The following DLG2 variants were observed in gnomAD, a reference collection of about 807,000 sequenced individuals.
DLG2 encodes the protein discs large MAGUK scaffold protein 2, also known as disks large homolog 2.
Under a neutral mutation model 132.5 loss-of-function variants are expected in DLG2, and 45 were observed. That is an observed-to-expected ratio of 0.34 (90% CI 0.27 to 0.44). The LOEUF is 0.44. Ranked by LOEUF, DLG2 falls within the 20% of genes least tolerant of loss-of-function variation. The probability of loss-of-function intolerance (pLI) is 1.00; values close to 1 mark genes in which losing one functional copy is unlikely to be tolerated. For synonymous variants in DLG2, 424 were observed against 419.6 expected, an observed-to-expected ratio of 1.01 and a Z score of -0.13; for missense variants, 1,045 against 1,196.9, an observed-to-expected ratio of 0.87 and a Z score of 1.87.
chr11:84,922,850 C>T (rs2092820878), intron 6 of DLG2, among the ~76,000 whole-genome samples: 1 of 145,048 alleles, frequency 6.9e-6, no homozygotes, highest in African/African-American at 2.5e-5. Flanking sequence ...TGAGCGTGAA[C>T]CTGAATTACA....
chr11:83,506,013 G>C (rs1042772026), intron 21 of DLG2, among the ~76,000 whole-genome samples: 9 of 152,136 alleles, frequency 5.9e-5, no homozygotes, highest in African/African-American at 2.2e-4. Flanking sequence ...ACCTACTTGA[G>C]ACCAATCATG....
chr11:83,712,603 C>G (rs1256436280), intron 18 of DLG2, among the ~76,000 whole-genome samples: 1 of 152,064 alleles, frequency 6.6e-6, no homozygotes, highest in Non-Finnish European at 1.5e-5. Context: ...TCACTCCAGC[C>G]TGGGCAAGAG....
chr11:83,803,169 A>G (rs763765380), intron 17 of DLG2, among the ~76,000 whole-genome samples: 8 of 152,158 alleles, frequency 5.3e-5, no homozygotes, highest in African/African-American at 1.2e-4. Context: ...ATACATATTT[A>G]CTGAATGCCT....
chr11:85,339,401 TA>T (rs1352075237), intron 3 of DLG2, among the ~76,000 whole-genome samples: 1 of 152,214 alleles, frequency 6.6e-6, no homozygotes, highest in Admixed American at 6.5e-5. Context: ...GGCTGAAAGG[TA>T]AATGCACCTG....
At chr11:85,620,583 C>A (rs192836675) in intron 2 of DLG2, among the ~76,000 whole-genome samples, 1 of 152,274 alleles carries the variant, frequency 6.6e-6, no homozygotes, top group Admixed American at 6.5e-5. Context: ...AGTGAACACA[C>A]GAATAATAAG....
At chr11:85,507,535 G>C (rs1387794434) in intron 3 of DLG2, among the ~76,000 whole-genome samples, 13 of 152,154 alleles carry the variant, frequency 8.5e-5, no homozygotes, top group Admixed American at 8.5e-4. Flanking sequence ...GTTGAATATT[G>C]GACCACACTT....
At chr11:83,565,669 ACT>A (rs565816411) in intron 19 of DLG2, among the ~76,000 whole-genome samples, 6 of 152,188 alleles carry the variant, frequency 3.9e-5, no homozygotes, top group African/African-American at 7.2e-5. Flanking sequence ...ATTTCAATGC[ACT>A]GTCAATCTAC....
At chr11:83,776,739 G>A (rs909748404) in intron 18 of DLG2, among the ~76,000 whole-genome samples, 26 of 152,122 alleles carry the variant, frequency 1.7e-4, no homozygotes, top group Non-Finnish European at 3.8e-4. Context: ...ATACACTTCA[G>A]ATATCTTTCC....
intron 21 of DLG2, among the ~76,000 whole-genome samples, chr11:83,490,223 CAAAT>C (rs1268867109): frequency 4.2e-5 from 6 of 144,364 alleles, no homozygotes; most frequent in Non-Finnish European, 9.2e-5. Context: ...AAACACAAAA[CAAAT>C]AAACAAAACC....
chr11:83,897,255 G>A (rs2072023150), intron 15 of DLG2, among the ~76,000 whole-genome samples: 1 of 152,070 alleles, frequency 6.6e-6, no homozygotes, highest in African/African-American at 2.4e-5. Context: ...ACTCCTATTT[G>A]GGCCATAGCT....
At chr11:84,341,205 T>C (rs1363884425) in intron 7 of DLG2, among the ~76,000 whole-genome samples, 1 of 152,112 alleles carries the variant, frequency 6.6e-6, no homozygotes, top group Non-Finnish European at 1.5e-5. Flanking sequence ...ATTCTTGAAG[T>C]GTTGTTCTCT....
chr11:85,515,285 T>A (rs2094149718), intron 3 of DLG2, among the ~76,000 whole-genome samples: 1 of 151,924 alleles, frequency 6.6e-6, no homozygotes, highest in South Asian at 2.1e-4. Flanking sequence ...GAATATGAGT[T>A]CTCTAACGGG....
rs866199743 is a variant in DLG2, at chr11:85,620,890, A to T, written c.-93+5697T>A. On this transcript the variant is annotated intron_variant, in intron 2 of 27. Transcript: ENST00000376104. ...CAAGAAGATCTAGCTGAGATAATTG[A>T]TGAAAATGGCTAAACAACAGATTTT... is the stretch of plus-strand genomic sequence containing the variant. Among the ~76,000 whole-genome samples the T allele has an allele frequency of 2.6e-5, 4 of 152,284 alleles. No individual in the cohort carries two copies. In the South Asian group the frequency reaches 8.3e-4, roughly 31 times the overall value.
intron 15 of DLG2, among the ~76,000 whole-genome samples, chr11:83,895,012 G>T (rs2071181224): frequency 6.6e-6 from 1 of 151,904 alleles, no homozygotes; most frequent in South Asian, 2.1e-4. Context: ...AAATTGATTT[G>T]CATTTTTAAA....
intron 5 of DLG2, among the ~76,000 whole-genome samples, chr11:85,123,939 T>C (rs995056159): frequency 2.6e-5 from 4 of 152,176 alleles, no homozygotes; most frequent in Non-Finnish European, 4.4e-5. Flanking sequence ...ACCTGCAAAG[T>C]ATTATTCACT....
intron 6 of DLG2, among the ~76,000 whole-genome samples, chr11:84,849,771 G>A (rs750283171): frequency 6.6e-6 from 1 of 151,994 alleles, no homozygotes; most frequent in Non-Finnish European, 1.5e-5. Context: ...TGTGTACTTT[G>A]GTGCTGTTTC....
chr11:84,972,119 A>G (rs1046313010), intron 6 of DLG2, among the ~76,000 whole-genome samples: 1 of 152,060 alleles, frequency 6.6e-6, no homozygotes, highest in African/African-American at 2.4e-5. Context: ...AATTCTTATC[A>G]CCCTCTAATC....
chr11:83,647,865 G>C (rs1402030093), intron 18 of DLG2: 1 of 152,030 alleles, frequency 6.6e-6, no homozygotes, highest in African/African-American at 2.4e-5. Flanking sequence ...CTGCCTTCTT[G>C]CCATCAGTCT....
At chr11:85,488,946 G>C (rs1014368008) in intron 3 of DLG2, among the ~76,000 whole-genome samples, 3 of 151,496 alleles carry the variant, frequency 2.0e-5, no homozygotes, top group African/African-American at 7.3e-5. Flanking sequence ...ACACCAAAGA[G>C]GAAGAAAAAA....
Sources: gnomAD v4.1 joint callset for allele counts (sites outside exome capture counted in the v4.1 genomes callset) on GRCh38, gnomAD v4.1.1 for gene constraint, MANE v1.5 for transcripts, NCBI Gene and HGNC (gene_info 2026-07-23, HGNC 2026-07-21) for gene names.